NCKAP5: variants seen among roughly 807,000 people sequenced by gnomAD.
NCKAP5 encodes NCK associated protein 5, also known as nck-associated protein 5.
NCKAP5 carries 92 observed loss-of-function variants against 167.0 expected under a neutral mutation model. That is an observed-to-expected ratio of 0.55 (90% CI 0.47 to 0.66). The LOEUF (loss-of-function observed/expected upper bound fraction) is 0.66. Among genes scored for constraint, NCKAP5 ranks in the 30% least tolerant of loss-of-function variants. The pLI, the probability that NCKAP5 is intolerant of heterozygous loss-of-function variation, is 0.00. For synonymous variants in NCKAP5, 891 were observed against 877.4 expected, an observed-to-expected ratio of 1.02 and a Z score of -0.27; for missense variants, 2,378 against 2,315.0, an observed-to-expected ratio of 1.03 and a Z score of -0.56.
chr2:133,346,234 AAAG>A (rs2150791124), intron 3 of NCKAP5, among the ~76,000 whole-genome samples: 1 of 152,324 alleles, frequency 6.6e-6, no homozygotes, highest in South Asian at 2.1e-4. Flanking sequence ...GCAGGAATCC[AAAG>A]AAGTGAGCAA....
At chr2:132,870,520 T>C (rs995109882) in intron 9 of NCKAP5, among the ~76,000 whole-genome samples, 1 of 152,116 alleles carries the variant, frequency 6.6e-6, no homozygotes, top group Non-Finnish European at 1.5e-5. Flanking sequence ...AGCTAGATGA[T>C]TGGGCCATGG....
chr2:133,340,851 G>A (rs1327931230), intron 3 of NCKAP5, among the ~76,000 whole-genome samples: 3 of 152,094 alleles, frequency 2.0e-5, no homozygotes, highest in Non-Finnish European at 4.4e-5. Context: ...TGTTTCTTAT[G>A]CTTATTGCAC....
chr2:132,796,891 A>G (rs563043045), intron 11 of NCKAP5, among the ~76,000 whole-genome samples, 162 bp from the exon 12 acceptor site: 1 of 152,342 alleles, frequency 6.6e-6, no homozygotes, highest in South Asian at 2.1e-4. Context: ...GTTCCCATAC[A>G]TGTATATGTA....
At chr2:132,928,515 G>T (rs192881410) in intron 8 of NCKAP5, among the ~76,000 whole-genome samples, 1 of 152,228 alleles carries the variant, frequency 6.6e-6, no homozygotes, top group East Asian at 1.9e-4. Flanking sequence ...TATCTTGTAA[G>T]TTGCTTTGTA....
intron 17 of NCKAP5, 67 bp downstream of exon 17, chr2:132,731,670 C>T (rs896863691): frequency 1.1e-5 from 16 of 1,487,710 alleles, no homozygotes; most frequent in African/African-American, 5.6e-5. Context: ...TACTCATCTC[C>T]TGGTGAAAAG....
intron 5 of NCKAP5, among the ~76,000 whole-genome samples, chr2:133,207,234 C>T (rs2085992286): frequency 6.6e-6 from 1 of 152,098 alleles, no homozygotes; most frequent in African/African-American, 2.4e-5. Context: ...CCTGGAGACA[C>T]AGCTGCAAAA....
intron 8 of NCKAP5, among the ~76,000 whole-genome samples, chr2:132,935,980 CTTTTTTT>C (rs200071013): frequency 7.1e-6 from 1 of 141,804 alleles, no homozygotes; most frequent in Non-Finnish European, 1.5e-5. Context: ...TATTTTTTTT[CTTTTTTT>C]TTTTTTTTCC....
intron 12 of NCKAP5, among the ~76,000 whole-genome samples, chr2:132,794,263 T>TAGAGAGAGAGAGAGAGAGAG (rs70973407): frequency 8.4e-5 from 1 of 11,916 alleles, no homozygotes; most frequent in African/African-American, 2.3e-4. Flanking sequence ...TATATATATA[T>TAGAGAGAGAGAGAGAGAGAG]AGAGAGAGAG....
intron 3 of NCKAP5, among the ~76,000 whole-genome samples, chr2:133,410,881 ATC>A (rs1206756702): frequency 6.6e-6 from 1 of 152,214 alleles, no homozygotes; most frequent in Non-Finnish European, 1.5e-5. Flanking sequence ...CTACAACAGA[ATC>A]TCTATGGGGT....
intron 7 of NCKAP5, among the ~76,000 whole-genome samples, chr2:132,991,901 C>A (rs1395180996): frequency 6.6e-6 from 1 of 152,212 alleles, no homozygotes; most frequent in East Asian, 1.9e-4. Context: ...ATACATCATG[C>A]ATAAACTATT....
chr2:133,108,553 C>A (rs1173498525), intron 6 of NCKAP5, among the ~76,000 whole-genome samples: 1 of 152,198 alleles, frequency 6.6e-6, no homozygotes, highest in Non-Finnish European at 1.5e-5. Context: ...CATAAAAATT[C>A]ATTTAACATT....
chr2:133,620,656 G>A, the NCKAP5 span, among the ~76,000 whole-genome samples: 3 of 152,108 alleles, frequency 2.0e-5, no homozygotes, highest in Admixed American at 6.5e-5. Flanking sequence ...AAGACAGACA[G>A]CAATACAATG....
At chr2:133,253,012 C>G (rs1574504031) in intron 4 of NCKAP5, among the ~76,000 whole-genome samples, 3 of 152,308 alleles carry the variant, frequency 2.0e-5, no homozygotes, top group South Asian at 4.1e-4. Flanking sequence ...ACTTCGCCAG[C>G]CTTCTTAGAG....
intron 3 of NCKAP5, among the ~76,000 whole-genome samples, chr2:133,422,812 A>AT (rs542008856): frequency 1.3e-4 from 20 of 151,960 alleles, no homozygotes; most frequent in South Asian, 2.1e-4. Flanking sequence ...TCACTTTGGG[A>AT]TTTTTTTTAA....
chr2:133,269,264 T>C (rs983569579), intron 4 of NCKAP5, among the ~76,000 whole-genome samples: 1 of 152,218 alleles, frequency 6.6e-6, no homozygotes, highest in Admixed American at 6.5e-5. Flanking sequence ...TTGTGGAGCT[T>C]ACATTCTGGA....
At chr2:133,285,736 A>G (rs1272892373) in intron 4 of NCKAP5, among the ~76,000 whole-genome samples, 1 of 152,230 alleles carries the variant, frequency 6.6e-6, no homozygotes, top group Non-Finnish European at 1.5e-5. Flanking sequence ...CTCAGTCTAC[A>G]GCAGGACACC....
At chr2:133,253,450 C>A (rs1187694265) in intron 4 of NCKAP5, among the ~76,000 whole-genome samples, 1 of 152,200 alleles carries the variant, frequency 6.6e-6, no homozygotes, top group African/African-American at 2.4e-5. Context: ...AAGTTAATCA[C>A]TGGGTTTCAC....
At chr2:133,431,318 GT>G (rs1397148540) in intron 3 of NCKAP5, among the ~76,000 whole-genome samples, 3 of 152,162 alleles carry the variant, frequency 2.0e-5, no homozygotes, top group Non-Finnish European at 4.4e-5. Context: ...GCCATTTCAA[GT>G]TGTCTTCAGA....
intron 2 of NCKAP5, among the ~76,000 whole-genome samples, chr2:133,543,066 G>A (rs1329236832): frequency 6.6e-6 from 1 of 152,156 alleles, no homozygotes; most frequent in African/African-American, 2.4e-5. Flanking sequence ...TCCAATGTTG[G>A]AGGGGGGACC....
Sources: allele counts gnomAD v4.1 joint callset (sites outside exome capture counted in the v4.1 genomes callset), GRCh38; gene constraint gnomAD v4.1.1; transcripts MANE v1.5; gene names NCBI Gene and HGNC (gene_info 2026-07-23, HGNC 2026-07-21).